PIEZO2: variants seen among roughly 807,000 people sequenced by gnomAD.
The protein encoded by PIEZO2 is piezo type mechanosensitive ion channel component 2.
In PIEZO2, 172 loss-of-function variants were observed where a neutral mutation model predicts 337.3. The observed-to-expected ratio is 0.51, with a 90% CI of 0.45 to 0.58. The LOEUF (loss-of-function observed/expected upper bound fraction) is 0.58. Ranked by LOEUF, PIEZO2 falls within the 20% of genes least tolerant of loss-of-function variation. The pLI, the probability that PIEZO2 is intolerant of heterozygous loss-of-function variation, is 0.00. For synonymous variants in PIEZO2, 1,251 were observed against 1,228.5 expected (o/e 1.02, Z -0.38); for missense variants, 3,028 against 3,391.3 (o/e 0.89, Z 2.66).
chr18:10,802,641 T>C (rs1293615132), intron 9 of PIEZO2, among the ~76,000 whole-genome samples: 1 of 152,130 alleles, frequency 6.6e-6, no homozygotes, highest in Non-Finnish European at 1.5e-5. Flanking sequence ...ATAAAGAAAA[T>C]CTGGCTTCAC....
In PIEZO2 at chr18:10,903,699, G is replaced by C. The variant is rs1364596015; in HGVS notation, c.329+7487C>G. On this transcript the variant is annotated intron_variant, in intron 4 of 55. Coordinates refer to ENST00000674853, the MANE Select transcript of PIEZO2 (RefSeq NM_001378183.1). The surrounding 1 kb of genome is among the most constrained non-coding windows in gnomAD (Gnocchi z 4.1). ...AAAAAAAAAAGATTCAAACTTCTTG[G>C]CATTGCCTATAAGATACTTCCTGAC... Among the ~76,000 whole-genome samples the C allele has an allele frequency of 6.6e-6, 1 of 151,988 alleles. No individual in the cohort carries two copies. Among genetic ancestry groups the C allele is most frequent in the Non-Finnish European group, 1.5e-5 (1 of 67,990 alleles).
At chr18:10,881,016 C>T (rs1383921912) in intron 4 of PIEZO2, among the ~76,000 whole-genome samples, 1 of 151,074 alleles carries the variant, frequency 6.6e-6, no homozygotes, top group Non-Finnish European at 1.5e-5. Flanking sequence ...AGATTACAAA[C>T]TCTGGAAGGA....
intron 2 of PIEZO2, among the ~76,000 whole-genome samples, chr18:10,998,011 A>C (rs965485470): frequency 1.3e-5 from 2 of 152,200 alleles, no homozygotes; most frequent in African/African-American, 4.8e-5. Flanking sequence ...GAATGAAAAC[A>C]GAGAAAAATG....
In PIEZO2 at chr18:10,899,136, A is replaced by T. The variant is rs377214789; in HGVS notation, c.329+12050T>A. Among the ~76,000 whole-genome samples, 49 of 152,294 alleles carry T rather than the reference A, an allele frequency of 3.2e-4. No individual in the cohort carries two copies. The South Asian group carries it at 0.01, about 32-fold the overall frequency. On this transcript the variant is annotated intron_variant, in intron 4 of 55. Coordinates refer to ENST00000674853, the MANE Select transcript of PIEZO2 (RefSeq NM_001378183.1). The surrounding 1 kb of genome is among the most constrained non-coding windows in gnomAD (Gnocchi z 4.6). ...ATGGGCTCTATAGTTAAAAAGACCT[A>T]ACTGCCTTCGTTCAGCTGTCAAGAA...
Position 10,773,637 on chromosome 18 carries a change from C to G in PIEZO2, c.2568-8G>C. 6.5e-7 allele frequency: 1 copy of G among 1,536,960 alleles called. No individual in the cohort carries two copies. The highest frequency in any genetic ancestry group is 8.7e-7 in the Non-Finnish European group (1 of 1,146,782). On this transcript the variant is annotated splice_region_variant and splice_polypyrimidine_tract_variant and intron_variant, in intron 19 of 55. Coordinates refer to ENST00000674853, the MANE Select transcript of PIEZO2 (RefSeq NM_001378183.1). The surrounding 1 kb of genome is among the most constrained non-coding windows in gnomAD (Gnocchi z 5.3). ...CCTTCCGGGTGGGCCAGTCTGTTGG[C>G]AGAGAGCAGCTGAGTCAGAAGAGGA...
At chr18:10,685,006 T>C (rs2034487636) in intron 49 of PIEZO2, among the ~76,000 whole-genome samples, 1 of 152,152 alleles carries the variant, frequency 6.6e-6, no homozygotes, top group Non-Finnish European at 1.5e-5. Flanking sequence ...TTGCACTGCA[T>C]TTCCAATCAG....
Position 11,038,787 on chromosome 18 carries a change from A to G in PIEZO2, c.160+27340T>C, listed in dbSNP as rs756386045. ...ATACAAATAAAATTAGCTCTATACA[A>G]CCTATAGGTATAACGGTGAGACACA... On this transcript the variant is annotated intron_variant, in intron 2 of 55. Transcript: ENST00000674853. The surrounding 1 kb of genome is among the most constrained non-coding windows in gnomAD (Gnocchi z 4.1). Among the ~76,000 whole-genome samples, 7 of 152,154 alleles carry G rather than the reference A, an allele frequency of 4.6e-5. No individual in the cohort carries two copies. The highest frequency in any genetic ancestry group is 8.8e-5 in the Non-Finnish European group (6 of 68,032).
intron 5 of PIEZO2, among the ~76,000 whole-genome samples, chr18:10,869,366 G>T (rs1483543017): frequency 6.6e-6 from 1 of 152,104 alleles, no homozygotes; most frequent in Non-Finnish European, 1.5e-5. Flanking sequence ...CTTGAAATCT[G>T]GATGACGGGT....
chr18:10,811,844 G>GA (rs2040200536), intron 7 of PIEZO2, among the ~76,000 whole-genome samples: 4 of 151,990 alleles, frequency 2.6e-5, no homozygotes. Context: ...TTTCTTTTTT[G>GA]TTTTTTTGAG....
chr18:10,965,731 A>AT (rs2033969901), intron 3 of PIEZO2, among the ~76,000 whole-genome samples: 3 of 152,332 alleles, frequency 2.0e-5, no homozygotes, highest in Admixed American at 2.0e-4. Flanking sequence ...AAAACCACCC[A>AT]GGGAAAGATT....
At chr18:10,818,244 C>T (rs185643721) in intron 7 of PIEZO2, among the ~76,000 whole-genome samples, 93 of 152,274 alleles carry the variant, frequency 6.1e-4, no homozygotes, top group African/African-American at 2.2e-3. Context: ...ACTTAGATTA[C>T]TACTCCATGT....
At chr18:10,708,589 A>C (rs1211807697) in intron 39 of PIEZO2, 150 bp from the exon 40 acceptor site, 1 of 152,386 alleles carries the variant, frequency 6.6e-6, no homozygotes, top group East Asian at 1.9e-4. Flanking sequence ...AGCGGGGCTC[A>C]GGGATGGGGA....
rs140297814 is a variant in PIEZO2, at chr18:10,788,129, C to A, written c.2170-945G>T. On this transcript the variant is annotated intron_variant, in intron 15 of 55. Coordinates refer to ENST00000674853, the MANE Select transcript of PIEZO2 (RefSeq NM_001378183.1). The stretch of plus-strand genomic sequence containing the variant: ...TAATTCAATTTTTACAGGCCAGGTG[C>A]GGTGGCTCATGCCTGTAATCCCAGA... Among the ~76,000 whole-genome samples the A allele has an allele frequency of 6.1e-3, 922 of 152,104 alleles. 9 individuals are homozygous for A. Among genetic ancestry groups the A allele is most frequent in the African/African-American group, 0.02 (849 of 41,464 alleles).
At position 10,797,506 on chromosome 18, in the gene PIEZO2, TTCC is replaced by T; in HGVS notation, c.1392_1394del (p.Glu468del). ...CTTCAAATTCTTCTTTCTCTTCCTC[TTCC>T]TCCTCTCGCTTTTCTAGATGGACGA... On this transcript the variant is annotated inframe_deletion, in exon 12 of 56. Coordinates refer to ENST00000674853, the MANE Select transcript of PIEZO2 (RefSeq NM_001378183.1). 1 of 1,536,948 alleles carries T rather than the reference TTCC, an allele frequency of 6.5e-7. No homozygotes were observed. Among genetic ancestry groups the T allele is most frequent in the Non-Finnish European group, 8.7e-7 (1 of 1,146,820 alleles).
chr18:10,886,345 C>CATAT lies in PIEZO2; in HGVS notation c.330-14931_330-14930insATAT. Among the ~76,000 whole-genome samples, 2 of 8,132 alleles carry CATAT rather than the reference C, an allele frequency of 2.5e-4. 1 individual carries two copies. Among genetic ancestry groups the CATAT allele is most frequent in the East Asian group, 0.02 (2 of 98 alleles). The allele number at this position is 8,132 out of a possible 152,430, so 5.3% of individuals were successfully genotyped here. ...ATACATATATATATATATATATATA[C>CATAT]ACACACACACACACACATATATATG... On this transcript the variant is annotated intron_variant, in intron 4 of 55. Coordinates refer to ENST00000674853, the MANE Select transcript of PIEZO2 (RefSeq NM_001378183.1).
intron 2 of PIEZO2, among the ~76,000 whole-genome samples, chr18:10,987,628 T>C (rs1049350096): frequency 5.9e-5 from 9 of 152,106 alleles, no homozygotes; most frequent in Admixed American, 5.9e-4. Flanking sequence ...TTCCTTGACA[T>C]TGGTTTTGGC....
rs1255188705 is a variant in PIEZO2, at chr18:11,035,137, C to T, written c.160+30990G>A. Among the ~76,000 whole-genome samples the T allele has an allele frequency of 6.6e-6, 1 of 152,180 alleles. No individual in the cohort carries two copies. The highest frequency in any genetic ancestry group is 2.4e-5 in the African/African-American group (1 of 41,434). ...GGATGGAGCTGAGGGCTGCTTCTGA[C>T]TCCTGAGATGGTTTGGATACTGTCC... On this transcript the variant is annotated intron_variant, in intron 2 of 55. Coordinates refer to ENST00000674853, the MANE Select transcript of PIEZO2 (RefSeq NM_001378183.1). The surrounding 1 kb of genome is among the most constrained non-coding windows in gnomAD (Gnocchi z 4.3).
intron 14 of PIEZO2, among the ~76,000 whole-genome samples, chr18:10,790,705 CT>C (rs34016331): frequency 0.42 from 53,063 of 127,446 alleles, 10,580 homozygotes; most frequent in East Asian, 0.7. Context: ...TCAAATGGCA[CT>C]TTTTTTTTTT....
chr18:10,787,902 C>T (rs1466575239), intron 15 of PIEZO2, among the ~76,000 whole-genome samples: 1 of 152,030 alleles, frequency 6.6e-6, no homozygotes, highest in Non-Finnish European at 1.5e-5. Context: ...CATATATTAA[C>T]TTATTTTAAT....
Sources: allele counts gnomAD v4.1 joint callset (sites outside exome capture counted in the v4.1 genomes callset), GRCh38; gene constraint gnomAD v4.1.1; non-coding constraint Gnocchi (gnomAD v3.1); transcripts MANE v1.5; gene names NCBI Gene and HGNC (gene_info 2026-07-23, HGNC 2026-07-21).